HIVEP1: variants seen among roughly 807,000 people sequenced by gnomAD.
HIVEP1 encodes the protein HIVEP zinc finger 1.
Under a neutral mutation model 180.0 loss-of-function variants are expected in HIVEP1, and 36 were observed. The ratio of observed to expected loss-of-function variants is 0.20; its 90% confidence interval spans 0.15 to 0.26. The LOEUF (loss-of-function observed/expected upper bound fraction) is 0.26. Among genes scored for constraint, HIVEP1 ranks in the 10% least tolerant of loss-of-function variants. The probability of loss-of-function intolerance (pLI) is 1.00; values close to 1 mark genes in which losing one functional copy is unlikely to be tolerated. For missense variants in HIVEP1, 3,143 were observed against 3,268.7 expected, an observed-to-expected ratio of 0.96 and a Z score of 0.94; for synonymous variants, 1,239 against 1,239.0, an observed-to-expected ratio of 1.00 and a Z score of 0.00.
intron 2 of HIVEP1, among the ~76,000 whole-genome samples, chr6:12,018,261 G>T (rs533766035): frequency 6.6e-6 from 1 of 152,198 alleles, no homozygotes; most frequent in African/African-American, 2.4e-5. Context: ...TCCTGCCCGC[G>T]CTTCTTCCTC....
At chr6:12,167,189 A>T (rs1395814102), downstream of HIVEP1, among the ~76,000 whole-genome samples, 1 of 152,088 alleles carries the variant, frequency 6.6e-6, no homozygotes, top group African/African-American at 2.4e-5. Flanking sequence ...TTACTAATTA[A>T]TCCCTGGCCT....
downstream of HIVEP1, among the ~76,000 whole-genome samples, chr6:12,166,741 GACT>G (rs1760708161): frequency 6.6e-6 from 1 of 152,158 alleles, no homozygotes; most frequent in Non-Finnish European, 1.5e-5. Context: ...GAACTAATGG[GACT>G]ACATTTGACT....
chr6:12,155,706 C>T (rs1759999928), intron 7 of HIVEP1, among the ~76,000 whole-genome samples: 1 of 152,094 alleles, frequency 6.6e-6, no homozygotes, highest in South Asian at 2.1e-4. Context: ...TACGAATGAA[C>T]ATATGCATGC....
chr6:12,130,658 G>A, intron 5 of HIVEP1, 109 bp from the exon 6 acceptor site: 1 of 555,902 alleles, frequency 1.8e-6, no homozygotes. Context: ...GTTATTGGTT[G>A]AGTATAAAAG....
rs369815612 is a variant in HIVEP1 at position 12,125,355 on chromosome 6, G to C, written c.5560G>C (p.Glu1854Gln). The C allele has an allele frequency of 6.2e-6, 10 of 1,614,092 alleles. No homozygotes were observed. Among genetic ancestry groups the C allele is most frequent in the Non-Finnish European group, 8.5e-6 (10 of 1,180,002 alleles). ...ATTTGTCGTTATAGAACCTATAAGT[G>C]AATTGCAGGAATTTGAAAACATCAA... Reference protein sequence around the residue: ...SKFVVIEPISELQEFENIKSS... With the variant: ...SKFVVIEPISQLQEFENIKSS... The change falls in exon 4 of 9, where the codon GAA becomes CAA. Residue 1854 changes from glutamate to glutamine, a missense_variant. Coordinates refer to ENST00000379388, the MANE Select transcript of HIVEP1 (RefSeq NM_002114.4).
At chr6:12,193,974 T>G in the HIVEP1 span, among the ~76,000 whole-genome samples, 1 of 152,190 alleles carries the variant, frequency 6.6e-6, no homozygotes, top group African/African-American at 2.4e-5. Context: ...CATGAATAGC[T>G]TTTGCATGAT....
the HIVEP1 span, among the ~76,000 whole-genome samples, chr6:12,188,695 A>G: frequency 6.6e-6 from 1 of 152,050 alleles, no homozygotes; most frequent in African/African-American, 2.4e-5. Flanking sequence ...TGAGTAACAT[A>G]AAAATATTAT....
intron 2 of HIVEP1, among the ~76,000 whole-genome samples, chr6:12,034,816 C>T (rs564623883): frequency 1.3e-5 from 2 of 152,288 alleles, no homozygotes; most frequent in African/African-American, 4.8e-5. Context: ...GGAGAGTAAC[C>T]TGGTCAAATA....
intron 3 of HIVEP1, among the ~76,000 whole-genome samples, chr6:12,108,594 T>C (rs995951435): frequency 6.6e-6 from 1 of 152,152 alleles, no homozygotes; most frequent in Admixed American, 6.5e-5. Flanking sequence ...CTGGCACTGC[T>C]GGGGGACCCA....
chr6:12,165,264 G>C (rs762268722), downstream of HIVEP1: 214 of 346,222 alleles, frequency 6.2e-4, 2 homozygotes, highest in Non-Finnish European at 1.7e-4. Flanking sequence ...TATACATAAA[G>C]CATATAGCCT....
rs781119160 is a variant in HIVEP1, at chr6:12,161,903, G to T, written c.6952G>T (p.Ala2318Ser). The change falls in exon 8 of 9, where the codon GCA becomes TCA. Residue 2318 changes from alanine to serine, a missense_variant. Physicochemically the swap from Ala to Ser is moderately conservative, Grantham distance 99 (BLOSUM62 1). Transcript: ENST00000379388. ...ESEEILRSSM[A>S]GKAVAITQSP... Reference sequence around the variant, plus strand: ...AGAAGAAATTCTGAGAAGTTCTATGGCAGGAAAAGCTGTTGCTATAACACA... The same window carrying T: ...AGAAGAAATTCTGAGAAGTTCTATGTCAGGAAAAGCTGTTGCTATAACACA... 9 of 1,612,206 alleles carry T rather than the reference G, an allele frequency of 5.6e-6. No individual in the cohort carries two copies. In the Admixed American group the frequency reaches 1.2e-4, roughly 21 times the overall value.
chr6:12,040,960 G>C (rs1268421072), intron 2 of HIVEP1, among the ~76,000 whole-genome samples: 2 of 152,158 alleles, frequency 1.3e-5, no homozygotes, highest in Admixed American at 6.5e-5. Context: ...CAAGCCATGA[G>C]GGGTGTGTCC....
intron 2 of HIVEP1, among the ~76,000 whole-genome samples, chr6:12,077,690 A>G (rs1772460066): frequency 6.6e-6 from 1 of 152,174 alleles, no homozygotes; most frequent in African/African-American, 2.4e-5. Flanking sequence ...AGAAAACTGA[A>G]GCATCAGTAT....
chr6:12,163,232 A>T, intron 8 of HIVEP1, 51 bp from the exon 9 acceptor site: 2 of 1,324,262 alleles, frequency 1.5e-6, no homozygotes, highest in South Asian at 1.3e-5. Context: ...TTTATATCTC[A>T]GTGATTACAA....
the HIVEP1 span, among the ~76,000 whole-genome samples, chr6:12,189,203 T>A: frequency 1.1e-4 from 17 of 151,948 alleles, no homozygotes; most frequent in Non-Finnish European, 2.5e-4. Context: ...TATTTAATAT[T>A]TTTTAAATGT....
At chr6:12,028,183 TA>T (rs1329295527) in intron 2 of HIVEP1, among the ~76,000 whole-genome samples, 1 of 152,144 alleles carries the variant, frequency 6.6e-6, no homozygotes, top group Non-Finnish European at 1.5e-5. Flanking sequence ...GAAGAGCCCA[TA>T]GTGGTCATGA....
At chr6:12,010,637 A>G (rs1381933124), upstream of HIVEP1, among the ~76,000 whole-genome samples, 1 of 150,058 alleles carries the variant, frequency 6.7e-6, no homozygotes, top group Non-Finnish European at 1.5e-5. Context: ...ATTTTGTTTC[A>G]CCTTATTCCT....
chr6:12,127,017 C>T (rs564496095), intron 4 of HIVEP1, among the ~76,000 whole-genome samples: 1 of 152,206 alleles, frequency 6.6e-6, no homozygotes, highest in African/African-American at 2.4e-5. Context: ...ACCACCACGC[C>T]TGGCTTTTTG....
At chr6:12,147,599 A>G (rs1759453540) in intron 7 of HIVEP1, among the ~76,000 whole-genome samples, 1 of 152,142 alleles carries the variant, frequency 6.6e-6, no homozygotes, top group South Asian at 2.1e-4. Context: ...AGAAAGAAGC[A>G]TGTTTCATTA....
Sources: gnomAD v4.1 joint callset for allele counts (sites outside exome capture counted in the v4.1 genomes callset) on GRCh38, gnomAD v4.1.1 for gene constraint, MANE v1.5 for transcripts, NCBI Gene and HGNC (gene_info 2026-07-23, HGNC 2026-07-21) for gene names.